PCDHGA8: variants seen among roughly 807,000 people sequenced by gnomAD.
PCDHGA8 encodes protocadherin gamma subfamily A, 8, also known as protocadherin gamma-A8.
PCDHGA8 carries 45 observed loss-of-function variants against 59.2 expected under a neutral mutation model. That is an observed-to-expected ratio of 0.76 (90% CI 0.60 to 0.98). The LOEUF (loss-of-function observed/expected upper bound fraction) is 0.98, where lower values mean the gene tolerates loss of function less well. PCDHGA8 is among the 50% of genes least tolerant of loss of function. The pLI is 0.00. For synonymous variants in PCDHGA8, 531 were observed against 519.0 expected (o/e 1.02, Z -0.32); for missense variants, 1,257 against 1,196.2 (o/e 1.05, Z -0.75).
Position 141,491,652 on chromosome 5 carries a change from G to T in PCDHGA8, c.2425-3155G>T. ...AGCAGCCCACAGCTCTGGCGCTGGA[G>T]CCTGACGCCATCCGGTCCCGCTCTA... On this transcript the variant is annotated intron_variant, in intron 1 of 3. Transcript: ENST00000398604. The surrounding 1 kb of genome is among the most constrained non-coding windows in gnomAD (Gnocchi z 6.9). The T allele has an allele frequency of 6.2e-7, 1 of 1,613,844 alleles. No homozygotes were observed.
At chr5:141,499,057 A>G (rs1361057448) in intron 2 of PCDHGA8, among the ~76,000 whole-genome samples, 1 of 152,036 alleles carries the variant, frequency 6.6e-6, no homozygotes, top group Non-Finnish European at 1.5e-5. Flanking sequence ...GAAAAAATGA[A>G]GAAGACTTAC....
At chr5:141,404,469 C>T (rs1239367876) in intron 1 of PCDHGA8, 3 of 1,612,966 alleles carry the variant, frequency 1.9e-6, no homozygotes, top group African/African-American at 1.3e-5. Flanking sequence ...ACCTATGTCT[C>T]TATTAACTCA....
intron 2 of PCDHGA8, among the ~76,000 whole-genome samples, chr5:141,495,430 C>A (rs1189953474): frequency 6.6e-6 from 1 of 152,220 alleles, no homozygotes; most frequent in Non-Finnish European, 1.5e-5. Context: ...TCCCACTGTC[C>A]TCTGCCCCTA....
chr5:141,402,593 G>T (rs4151700), intron 1 of PCDHGA8, among the ~76,000 whole-genome samples: 8,085 of 152,244 alleles, frequency 0.053, 229 homozygotes, highest in South Asian at 0.08. Flanking sequence ...AAAATAGATT[G>T]CTTTTGAAAT....
At chr5:141,463,438 CTTTTTTTTTTTTTT>C (rs71576115) in intron 1 of PCDHGA8, among the ~76,000 whole-genome samples, 7 of 103,256 alleles carry the variant, frequency 6.8e-5, no homozygotes, top group Non-Finnish European at 9.4e-5. Flanking sequence ...TTTCCTTCTC[CTTTTTTTTTTTTTT>C]TTTTTTTTTT....
intron 1 of PCDHGA8, chr5:141,427,758 A>T: frequency 7.4e-7 from 1 of 1,345,378 alleles, no homozygotes; most frequent in Non-Finnish European, 1.1e-6. Context: ...CATCGTTACC[A>T]CTGACTTGGA....
chr5:141,404,133 T>C, intron 1 of PCDHGA8: 1 of 1,613,108 alleles, frequency 6.2e-7, no homozygotes, highest in Non-Finnish European at 8.5e-7. Flanking sequence ...TCTTTTACAT[T>C]AGAAAATTCA....
intron 1 of PCDHGA8, chr5:141,430,886 T>C: frequency 6.2e-7 from 1 of 1,605,190 alleles, no homozygotes; most frequent in Non-Finnish European, 8.5e-7. Context: ...GGAGAAAGGC[T>C]CTAGGGTGGG....
chr5:141,438,895 A>C (rs2098073582), intron 1 of PCDHGA8, among the ~76,000 whole-genome samples: 1 of 151,640 alleles, frequency 6.6e-6, no homozygotes, highest in Non-Finnish European at 1.5e-5. Flanking sequence ...TGAACTCCTG[A>C]CCTCAGGTGA....
chr5:141,400,502 A>C, intron 1 of PCDHGA8: 1 of 1,614,020 alleles, frequency 6.2e-7, no homozygotes, highest in Non-Finnish European at 8.5e-7. Flanking sequence ...AATTCCAGCG[A>C]GTCGACTTCC....
At chr5:141,495,065 T>C (rs1413025171) in intron 2 of PCDHGA8, among the ~76,000 whole-genome samples, 200 bp downstream of exon 2, 1 of 152,148 alleles carries the variant, frequency 6.6e-6, no homozygotes, top group Admixed American at 6.5e-5. Flanking sequence ...TTCAGGAAGC[T>C]CAATTCACAT....
At chr5:141,405,206 A>G in intron 1 of PCDHGA8, 1 of 1,613,648 alleles carries the variant, frequency 6.2e-7, no homozygotes, top group Non-Finnish European at 8.5e-7. Flanking sequence ...TTTCCTACAG[A>G]CCTATTCTCA....
At chr5:141,404,320 C>T (rs577477279) in intron 1 of PCDHGA8, 8 of 1,613,920 alleles carry the variant, frequency 5.0e-6, no homozygotes, top group Admixed American at 1.7e-5. Flanking sequence ...CTCAAGCCTC[C>T]TACTCAGTCT....
At chr5:141,423,679 C>T in intron 1 of PCDHGA8, 2 of 1,487,594 alleles carry the variant, frequency 1.3e-6, no homozygotes, top group South Asian at 1.3e-5. Context: ...TATTTCTCTG[C>T]CTCCTAATTG....
chr5:141,477,819 T>C lies in PCDHGA8; in HGVS notation c.2425-16988T>C. 1.9e-6 allele frequency: 3 copies of C among 1,614,138 alleles called. No individual in the cohort carries two copies. The highest frequency in any genetic ancestry group is 2.5e-6 in the Non-Finnish European group (3 of 1,180,030). On this transcript the variant is annotated intron_variant, in intron 1 of 3. Transcript: ENST00000398604. The surrounding 1 kb of genome is among the most constrained non-coding windows in gnomAD (Gnocchi z 4.9). ...CGCAATGACAATGCCCCCCAGGTCC[T>C]ATATCCTCGGCCAGGTGGGAGCTCG...
intron 1 of PCDHGA8, among the ~76,000 whole-genome samples, chr5:141,475,007 G>A (rs1017671344): frequency 2.0e-5 from 3 of 152,178 alleles, no homozygotes; most frequent in East Asian, 1.9e-4. Flanking sequence ...ATGCAGAAAA[G>A]TTAAGGCTCT....
chr5:141,418,277 T>G, intron 1 of PCDHGA8: 2 of 1,614,026 alleles, frequency 1.2e-6, no homozygotes, highest in Non-Finnish European at 1.7e-6. Flanking sequence ...TGAAATAAAC[T>G]TAGAAATCAG....
At position 141,511,032 on chromosome 5, in the gene PCDHGA8, G is replaced by T. The variant is rs779589499; in HGVS notation, c.2658G>T (p.Gln886His). 6.2e-7 allele frequency: 1 copy of T among 1,614,228 alleles called. No individual in the cohort carries two copies. Among genetic ancestry groups the T allele is most frequent in the South Asian group, 1.1e-5 (1 of 91,090 alleles). ...GCTACGGACCCCAGTTCACCCTGCAGCACGTGCCCGACTACCGCCAGAATG... is the reference window on the plus strand; with the variant it reads ...GCTACGGACCCCAGTTCACCCTGCATCACGTGCCCGACTACCGCCAGAATG... ...SARYGPQFTLQHVPDYRQNVY... is the reference protein window; with the variant it reads ...SARYGPQFTLHHVPDYRQNVY... Residue 886 changes from glutamine (Q) to histidine (H), a missense_variant, in exon 4 of 4, where the codon CAG (glutamine) becomes CAT (histidine). Gln to His is a conservative substitution (Grantham distance 24, BLOSUM62 0). Coordinates refer to ENST00000398604, the MANE Select transcript of PCDHGA8 (RefSeq NM_032088.2).
At chr5:141,501,470 TG>T (rs1206698871) in intron 2 of PCDHGA8, among the ~76,000 whole-genome samples, 1 of 152,068 alleles carries the variant, frequency 6.6e-6, no homozygotes, top group African/African-American at 2.4e-5. Flanking sequence ...CCCCAAATCC[TG>T]GAAGAGTCCC....
Sources: allele counts gnomAD v4.1 joint callset (sites outside exome capture counted in the v4.1 genomes callset), GRCh38; gene constraint gnomAD v4.1.1; non-coding constraint Gnocchi (gnomAD v3.1); transcripts MANE v1.5; gene names NCBI Gene and HGNC (gene_info 2026-07-23, HGNC 2026-07-21).